Variants in KLHL31 observed in about 807,000 individuals in gnomAD.
KLHL31 encodes the protein kelch-like protein 31.
Under a neutral mutation model 47.1 loss-of-function variants are expected in KLHL31, and 32 were observed. The observed-to-expected ratio is 0.68, with a 90% CI of 0.51 to 0.91. The LOEUF (loss-of-function observed/expected upper bound fraction) is 0.91, where lower values mean the gene tolerates loss of function less well. Among genes scored for constraint, KLHL31 ranks in the 40% least tolerant of loss-of-function variants. The pLI is 0.00. For synonymous variants in KLHL31, 330 were observed against 325.1 expected (o/e 1.01, Z -0.16); for missense variants, 797 against 819.3 (o/e 0.97, Z 0.33).
rs1050219625 is a variant in KLHL31 at position 53,652,195 on chromosome 6, C to A, written c.1308G>T (p.Leu436=). ...GRNAEGSLAS[L]ECYVPSTNQW... ...GATTGGTGGAGGGCACGTAGCACTC[C>A]AGCGAGGCCAGGCTTCCTTCTGCGT... Residue 436 remains leucine (L), a synonymous_variant, in exon 3 of 3, where the codon CTG becomes CTT. Coordinates refer to ENST00000370905, the MANE Select transcript of KLHL31 (RefSeq NM_001003760.5). 13 of 1,611,906 alleles carry A rather than the reference C, an allele frequency of 8.1e-6. No individual in the cohort carries two copies. The highest frequency in any genetic ancestry group is 1.1e-5 in the Non-Finnish European group (13 of 1,179,990).
At position 53,655,037 on chromosome 6, in the gene KLHL31, G is replaced by C; in HGVS notation, c.236C>G (p.Thr79Ser). The C allele has an allele frequency of 9.3e-6, 15 of 1,614,098 alleles. No homozygotes were observed. The highest frequency in any genetic ancestry group is 1.3e-5 in the Non-Finnish European group (15 of 1,180,010). The part of the protein sequence containing the change: ...ENFLCDLVIG[T>S]KTKSFDVHKS... ...ATGAACATCAAAGGATTTGGTTTTG[G>C]TACCAATGACTAAGTCACATAGGAA... is the stretch of plus-strand genomic sequence containing the variant. The change falls in exon 2 of 3, where the codon ACC becomes AGC. Residue 79 changes from threonine (T) to serine (S), a missense_variant. Thr to Ser is a moderately conservative substitution (Grantham distance 58). Transcript: ENST00000370905.
In KLHL31 at chr6:53,654,993, A is replaced by G; in HGVS notation, c.280T>C (p.Cys94Arg). The G allele has an allele frequency of 5.6e-6, 9 of 1,614,216 alleles. No homozygotes were observed. Among genetic ancestry groups the G allele is most frequent in the Non-Finnish European group, 6.8e-6 (8 of 1,180,026 alleles). Reference sequence around the variant, plus strand: ...AGGATGTTGTAAAAATACTCACTGCATGAAGCCATGACTGACTTATGAACA... The same window carrying G: ...AGGATGTTGTAAAAATACTCACTGCGTGAAGCCATGACTGACTTATGAACA... Reference protein sequence around the residue: ...FDVHKSVMASCSEYFYNILKK... With the variant: ...FDVHKSVMASRSEYFYNILKK... Residue 94 changes from cysteine to arginine, a missense_variant, in exon 2 of 3, where the codon TGC becomes CGC. Physicochemically the swap from Cys to Arg is radical, Grantham distance 180. Coordinates refer to ENST00000370905, the MANE Select transcript of KLHL31 (RefSeq NM_001003760.5).
At chr6:53,652,357 G>A in intron 2 of KLHL31, 27 bp from the exon 3 acceptor site, 1 of 1,611,036 alleles carries the variant, frequency 6.2e-7, no homozygotes, top group Non-Finnish European at 8.5e-7. Context: ...AGGTGTAACA[G>A]CTTTGTCGGC....
At chr6:53,655,500 C>A (rs1348577257) in intron 1 of KLHL31, among the ~76,000 whole-genome samples, 195 bp from the exon 2 acceptor site, 1 of 152,048 alleles carries the variant, frequency 6.6e-6, no homozygotes, top group Non-Finnish European at 1.5e-5. Flanking sequence ...GCATTGAAGA[C>A]AATTCTAGGA....
At position 53,649,764 on chromosome 6, in the gene KLHL31, G is replaced by C. The variant is rs549457960; in HGVS notation, c.*1834C>G. The C allele has an allele frequency of 7.9e-5, 12 of 152,200 alleles. No homozygotes were observed. Among genetic ancestry groups the C allele is most frequent in the Admixed American group, 2.6e-4 (4 of 15,276 alleles). 9.4% of individuals were successfully genotyped at this position (152,200 alleles called of 1,614,324 possible). On this transcript the variant is annotated 3_prime_UTR_variant, in exon 3 of 3. Coordinates refer to ENST00000370905, the MANE Select transcript of KLHL31 (RefSeq NM_001003760.5). ...CTCCAAAAATTAACCATATACTATA[G>C]GCTTCTCAGTTGTATGAGTGTGTGC...
At position 53,652,181 on chromosome 6, in the gene KLHL31, G is replaced by T; in HGVS notation, c.1322C>A (p.Pro441His). 1 of 1,610,240 alleles carries T rather than the reference G, an allele frequency of 6.2e-7. No individual in the cohort carries two copies. ...CTTCGGCTGCCACTGATTGGTGGAG[G>T]GCACGTAGCACTCCAGCGAGGCCAG... is the stretch of plus-strand genomic sequence containing the variant. ...GSLASLECYV[P>H]STNQWQPKTP... Residue 441 changes from proline (P) to histidine (H), a missense_variant, in exon 3 of 3, where the codon CCC (proline) becomes CAC (histidine). Physicochemically the swap from Pro to His is moderately conservative, Grantham distance 77. Transcript: ENST00000370905.
At chr6:53,665,452 A>C (rs756892889) in intron 1 of KLHL31, 149 bp downstream of exon 1, 4 of 152,206 alleles carry the variant, frequency 2.6e-5, no homozygotes, top group Non-Finnish European at 5.9e-5. Context: ...CAGATTAGGG[A>C]CATGAACCAC....
chr6:53,665,370 T>C (rs1301432760), intron 1 of KLHL31, among the ~76,000 whole-genome samples: 1 of 152,210 alleles, frequency 6.6e-6, no homozygotes, highest in African/African-American at 2.4e-5. Context: ...GTCATGCATT[T>C]TGTTACCGTG....
chr6:53,664,538 T>A (rs921636296), intron 1 of KLHL31, among the ~76,000 whole-genome samples: 9 of 152,214 alleles, frequency 5.9e-5, no homozygotes, highest in African/African-American at 1.4e-4. Flanking sequence ...AGTGGGCAAG[T>A]CCATGTGAAA....
Position 53,654,358 on chromosome 6 carries a change from T to C in KLHL31, c.915A>G (p.Gln305=), listed in dbSNP as rs1357156382. The C allele has an allele frequency of 2.5e-6, 4 of 1,614,180 alleles. No homozygotes were observed. Among genetic ancestry groups the C allele is most frequent in the Admixed American group, 3.3e-5 (2 of 60,028 alleles). ...HLLPYHQNTL[Q]SRRTRIRGGC... ...CACCTCGGATTCTTGTTCGCCTAGA[T>C]TGCAATGTGTTTTGATGATATGGAA... Residue 305 remains glutamine (Q), a synonymous_variant, in exon 2 of 3, where the codon CAA becomes CAG. Coordinates refer to ENST00000370905, the MANE Select transcript of KLHL31 (RefSeq NM_001003760.5).
At chr6:53,656,682 C>G (rs188562452) in intron 1 of KLHL31, among the ~76,000 whole-genome samples, 49 of 151,990 alleles carry the variant, frequency 3.2e-4, no homozygotes, top group African/African-American at 1.1e-3. Context: ...AAAATAACTT[C>G]CAGATGAATT....
Position 53,664,372 on chromosome 6 carries a change from A to C in KLHL31, c.-34+1229T>G, listed in dbSNP as rs548232269. 4.6e-5 allele frequency among the ~76,000 whole-genome samples: 7 copies of C among 152,288 alleles called. No homozygotes were observed. In the South Asian group the frequency reaches 1.5e-3, roughly 32 times the overall value. ...TCAGGTGAGTCCATGAGTCCTGCGG[A>C]ATAGTCTGAAACATACTGTGTGCAT... On this transcript the variant is annotated intron_variant, in intron 1 of 2. Transcript: ENST00000370905.
chr6:53,658,179 C>T (rs1450493102), intron 1 of KLHL31, among the ~76,000 whole-genome samples: 2 of 152,098 alleles, frequency 1.3e-5, no homozygotes, highest in African/African-American at 4.8e-5. Flanking sequence ...AGACACAAGA[C>T]ATGGCAAATG....
rs148903138 is a variant in KLHL31, at chr6:53,654,183, C to G, written c.1090G>C (p.Asp364His). The change falls in exon 2 of 3, where the codon GAT (aspartate) becomes CAT (histidine). Residue 364 changes from aspartate (D) to histidine (H), a missense_variant. Transcript: ENST00000370905. ...KSFNQCVAVM[D>H]GFLYVAGGED... ...CCACCGGCTACATAAAGAAATCCAT[C>G]CATCACAGCCACACACTGATTAAAA... 2.0e-4 allele frequency: 322 copies of G among 1,614,122 alleles called. 1 individual carries two copies. The highest frequency in any genetic ancestry group is 2.7e-4 in the Non-Finnish European group (319 of 1,180,024).
At chr6:53,663,929 T>C (rs973521228) in intron 1 of KLHL31, among the ~76,000 whole-genome samples, 2 of 152,246 alleles carry the variant, frequency 1.3e-5, no homozygotes, top group Admixed American at 1.3e-4. Flanking sequence ...TAATCAACTG[T>C]CAAACAAGGA....
Position 53,654,073 on chromosome 6 carries a change from T to G in KLHL31, c.1172+28A>C, listed in dbSNP as rs1034724121. ...GCTATTTCCCTATAATATTGAGCCA[T>G]TTCAGTTCCTAATAAAAGATCAAGT... is the stretch of plus-strand genomic sequence containing the variant. On this transcript the variant is annotated intron_variant, in intron 2 of 2. Transcript: ENST00000370905. 5.8e-6 allele frequency: 9 copies of G among 1,552,530 alleles called. No individual in the cohort carries two copies. In the Admixed American group the frequency reaches 7.4e-5, roughly 13 times the overall value.
chr6:53,664,623 T>A lies in KLHL31; in HGVS notation c.-34+978A>T, dbSNP rs754316872. 2.0e-5 allele frequency among the ~76,000 whole-genome samples: 3 copies of A among 152,234 alleles called. No individual in the cohort carries two copies. In the South Asian group the frequency reaches 6.2e-4, roughly 31 times the overall value. On this transcript the variant is annotated intron_variant, in intron 1 of 2. Coordinates refer to ENST00000370905, the MANE Select transcript of KLHL31 (RefSeq NM_001003760.5). The stretch of plus-strand genomic sequence containing the variant: ...CCCAGAACTGGTTATAGAAAAGAGT[T>A]GTTACTTCATATTTGAGAACATTTT...
At chr6:53,657,763 C>A (rs1209864413) in intron 1 of KLHL31, among the ~76,000 whole-genome samples, 2 of 151,618 alleles carry the variant, frequency 1.3e-5, no homozygotes, top group Non-Finnish European at 2.9e-5. Context: ...ATTTTGTAGC[C>A]CTTCTATTGT....
rs184869912 is a variant in KLHL31, at chr6:53,660,353, A to G, written c.-33-5048T>C. Among the ~76,000 whole-genome samples the G allele has an allele frequency of 1.8e-4, 27 of 152,326 alleles. 1 individual carries two copies. Among genetic ancestry groups the G allele is most frequent in the Admixed American group, 8.5e-4 (13 of 15,304 alleles). Reference sequence around the variant, plus strand: ...GTTCAGGTAATCTATAACATTACTGAAAACTTATAGATAGATACACATGTG... The same window carrying G: ...GTTCAGGTAATCTATAACATTACTGGAAACTTATAGATAGATACACATGTG... On this transcript the variant is annotated intron_variant, in intron 1 of 2. Coordinates refer to ENST00000370905, the MANE Select transcript of KLHL31 (RefSeq NM_001003760.5).
Sources: gnomAD v4.1 joint callset for allele counts (sites outside exome capture counted in the v4.1 genomes callset) on GRCh38, gnomAD v4.1.1 for gene constraint, MANE v1.5 for transcripts, NCBI Gene and HGNC (gene_info 2026-07-23, HGNC 2026-07-21) for gene names.